DHX8: variants seen among roughly 807,000 people sequenced by gnomAD.
DHX8 encodes ATP-dependent RNA helicase DHX8.
Under a neutral mutation model 140.7 loss-of-function variants are expected in DHX8, and 67 were observed. The observed-to-expected ratio is 0.48, with a 90% CI of 0.39 to 0.58. The LOEUF (loss-of-function observed/expected upper bound fraction) is 0.58, where lower values mean the gene tolerates loss of function less well. Among genes scored for constraint, DHX8 ranks in the 20% least tolerant of loss-of-function variants. The pLI is 0.00. For missense variants in DHX8, 887 were observed against 1,550.7 expected (o/e 0.57, Z 7.19); for synonymous variants, 533 against 553.2 (o/e 0.96, Z 0.51).
downstream of DHX8, chr17:43,526,705 C>T: frequency 1.4e-6 from 2 of 1,466,152 alleles, no homozygotes; most frequent in Admixed American, 2.1e-5. Flanking sequence ...GTGTACTCGG[C>T]CTTCAGGGTT....
At chr17:43,504,916 A>G (rs55956367) in intron 12 of DHX8, 91 bp downstream of exon 12, 295,365 of 1,197,756 alleles carry the variant, frequency 0.25, 37,425 homozygotes, top group East Asian at 0.36. Flanking sequence ...CGGGACAAGT[A>G]TGTGCCTACT....
intron 4 of DHX8, 67 bp from the exon 5 acceptor site, chr17:43,492,116 T>G: frequency 1.9e-6 from 2 of 1,053,466 alleles, no homozygotes; most frequent in Admixed American, 3.5e-5. Context: ...TTTATAGATG[T>G]ACCTGAGGTA....
chr17:43,489,883 G>A (rs1034819926), intron 2 of DHX8, among the ~76,000 whole-genome samples: 42 of 152,264 alleles, frequency 2.8e-4, no homozygotes, highest in African/African-American at 9.9e-4. Context: ...ATGTTTTAAT[G>A]TCACTATTGA....
At chr17:43,489,945 A>G (rs1304997674) in intron 2 of DHX8, among the ~76,000 whole-genome samples, 1 of 152,176 alleles carries the variant, frequency 6.6e-6, no homozygotes, top group Non-Finnish European at 1.5e-5. Flanking sequence ...GAAGGAGACA[A>G]TTTTATACAT....
chr17:43,533,277 T>C (rs1971052625), intron 2 of DHX8: 1 of 1,613,720 alleles, frequency 6.2e-7, no homozygotes. Flanking sequence ...GGGAAAGGGC[T>C]GTAGGGGCGA....
intron 10 of DHX8, 75 bp from the exon 11 acceptor site, chr17:43,499,881 G>C: frequency 1.3e-6 from 2 of 1,527,862 alleles, no homozygotes; most frequent in East Asian, 4.5e-5. Context: ...TCATGTTTTA[G>C]ATTACAGGAG....
intron 9 of DHX8, among the ~76,000 whole-genome samples, chr17:43,498,476 G>C (rs1033332762): frequency 3.7e-4 from 53 of 144,698 alleles, no homozygotes; most frequent in African/African-American, 1.4e-3. Flanking sequence ...TTAAGACAGA[G>C]TCTCACTCTG....
rs775916673 is a variant in DHX8, at chr17:43,500,068, G to C, written c.1511G>C (p.Gly504Ala). Reference protein sequence around the residue: ...REAEMDSIPMGLNKHWVDPLP... With the variant: ...REAEMDSIPMALNKHWVDPLP... ...GCTGAGATGGATTCTATTCCCATGG[G>C]ACTCAACAAACACTGGGTTGACCCT... Residue 504 changes from glycine to alanine, a missense_variant, in exon 11 of 23, where the codon GGA becomes GCA. By Grantham distance (60) the Gly-to-Ala change is moderately conservative. Coordinates refer to ENST00000262415, the MANE Select transcript of DHX8 (RefSeq NM_004941.3). 3 of 1,614,176 alleles carry C rather than the reference G, an allele frequency of 1.9e-6. No homozygotes were observed. In the South Asian group the frequency reaches 3.3e-5, roughly 18 times the overall value.
At chr17:43,544,664 T>G, downstream of DHX8, 1 of 257,420 alleles carries the variant, frequency 3.9e-6, no homozygotes, top group Non-Finnish European at 7.5e-6. Flanking sequence ...AAATGAAAAT[T>G]TCAACCAGGA....
chr17:43,533,383 G>A (rs756676332), intron 2 of DHX8: 8 of 1,587,050 alleles, frequency 5.0e-6, no homozygotes, highest in Non-Finnish European at 6.9e-6. Flanking sequence ...TGAGGGGGCA[G>A]AGAAGCTGGA....
At chr17:43,544,421 C>A (rs909321422) in exon 4 of DHX8, 1 of 153,010 alleles carries the variant, frequency 6.5e-6, no homozygotes, top group Non-Finnish European at 1.5e-5. Flanking sequence ...GAGCCCTGGG[C>A]TCTCTGTGCC....
intron 1 of DHX8, among the ~76,000 whole-genome samples, chr17:43,484,870 T>G (rs931282150): frequency 2.0e-5 from 3 of 152,156 alleles, no homozygotes; most frequent in African/African-American, 7.2e-5. Flanking sequence ...CTCGAACTTC[T>G]GGGCTCAAGC....
chr17:43,533,357 GAGA>G (rs772073818), intron 2 of DHX8: 5 of 1,610,616 alleles, frequency 3.1e-6, no homozygotes, highest in East Asian at 2.2e-5. Flanking sequence ...CACTGGAGTT[GAGA>G]AGGAGACAGG....
At chr17:43,539,515 T>G (rs1971412302) in intron 3 of DHX8, among the ~76,000 whole-genome samples, 1 of 152,256 alleles carries the variant, frequency 6.6e-6, no homozygotes. Flanking sequence ...CACCAGGAAG[T>G]TAAGCTCTGT....
At chr17:43,484,314 C>A in intron 1 of DHX8, 129 bp downstream of exon 1, 1 of 1,140,470 alleles carries the variant, frequency 8.8e-7, no homozygotes, top group Non-Finnish European at 1.3e-6. Context: ...CTGTCGCAGA[C>A]ACCGGTGCCC....
intron 9 of DHX8, among the ~76,000 whole-genome samples, chr17:43,497,777 G>A (rs1345221010): frequency 1.3e-5 from 2 of 152,084 alleles, no homozygotes; most frequent in Non-Finnish European, 2.9e-5. Flanking sequence ...TTACTGGGTA[G>A]TAAGAAATGT....
intron 11 of DHX8, among the ~76,000 whole-genome samples, chr17:43,503,830 T>C (rs1308133585): frequency 3.3e-5 from 5 of 152,152 alleles, no homozygotes; most frequent in African/African-American, 1.2e-4. Context: ...AGGGTTTCTT[T>C]CTGATATGAT....
chr17:43,515,346 G>T (rs777309509), intron 17 of DHX8, among the ~76,000 whole-genome samples: 4 of 152,104 alleles, frequency 2.6e-5, no homozygotes, highest in Admixed American at 2.6e-4. Flanking sequence ...ATGCCGCCAT[G>T]ACCACCTAAT....
intron 17 of DHX8, among the ~76,000 whole-genome samples, chr17:43,516,169 A>AT (rs1227451808): frequency 6.6e-6 from 1 of 151,860 alleles, no homozygotes; most frequent in Non-Finnish European, 1.5e-5. Flanking sequence ...AGTTTTGTAT[A>AT]TTTTTTTGAG....
Sources: allele counts gnomAD v4.1 joint callset (sites outside exome capture counted in the v4.1 genomes callset), GRCh38; gene constraint gnomAD v4.1.1; transcripts MANE v1.5; gene names NCBI Gene and HGNC (gene_info 2026-07-23, HGNC 2026-07-21).